The following STMND1 variants were observed in gnomAD, a reference collection of about 807,000 sequenced individuals.
STMND1 encodes stathmin domain containing 1.
STMND1 carries 17 observed loss-of-function variants against 23.0 expected under a neutral mutation model. The ratio of observed to expected loss-of-function variants is 0.74; its 90% CI spans 0.51 to 1.11. STMND1 has a LOEUF of 1.11. STMND1 is among the 50% of genes least tolerant of loss of function. The probability of loss-of-function intolerance (pLI) is 0.00; values close to 1 mark genes in which losing one functional copy is unlikely to be tolerated. For missense variants in STMND1, 305 were observed against 329.1 expected, an observed-to-expected ratio of 0.93 and a Z score of 0.57; for synonymous variants, 114 against 119.9, an observed-to-expected ratio of 0.95 and a Z score of 0.32.
At chr6:17,124,731 C>G (rs772003188) in intron 3 of STMND1, among the ~76,000 whole-genome samples, 32 of 151,954 alleles carry the variant, frequency 2.1e-4, no homozygotes, top group Non-Finnish European at 4.1e-4. Context: ...GGCAAGATGG[C>G]TTATGCCTGT....
At chr6:17,106,980 C>T (rs1761033545) in intron 1 of STMND1, among the ~76,000 whole-genome samples, 1 of 152,110 alleles carries the variant, frequency 6.6e-6, no homozygotes, top group Non-Finnish European at 1.5e-5. Context: ...AGAGGAGAGG[C>T]TGGATTGGAA....
intron 4 of STMND1, among the ~76,000 whole-genome samples, chr6:17,130,238 G>A (rs1036791182): frequency 1.3e-5 from 2 of 152,296 alleles, no homozygotes; most frequent in African/African-American, 2.4e-5. Context: ...GAGGTGCGGC[G>A]TTAAACTGAG....
chr6:17,122,358 C>A (rs1761245998), intron 3 of STMND1, among the ~76,000 whole-genome samples: 1 of 150,962 alleles, frequency 6.6e-6, no homozygotes, highest in Non-Finnish European at 1.5e-5. Context: ...GAAAAGAAGC[C>A]AGAGAATAAA....
intron 1 of STMND1, among the ~76,000 whole-genome samples, chr6:17,107,181 C>T (rs916423048): frequency 1.3e-5 from 2 of 152,176 alleles, no homozygotes; most frequent in African/African-American, 4.8e-5. Flanking sequence ...GGTTTTAACT[C>T]AAGGATGCCT....
At chr6:17,120,005 T>C (rs1274671925) in intron 2 of STMND1, among the ~76,000 whole-genome samples, 4 of 152,228 alleles carry the variant, frequency 2.6e-5, no homozygotes, top group Non-Finnish European at 5.9e-5. Flanking sequence ...CCATAAACTG[T>C]TTCAGTGCTC....
chr6:17,112,760 G>A (rs1408075680), intron 1 of STMND1, among the ~76,000 whole-genome samples: 4 of 152,076 alleles, frequency 2.6e-5, no homozygotes, highest in Non-Finnish European at 5.9e-5. Flanking sequence ...CTGGGCGACA[G>A]AGGGAGACTC....
intron 2 of STMND1, among the ~76,000 whole-genome samples, chr6:17,119,390 T>A (rs1761200113): frequency 6.6e-6 from 1 of 152,010 alleles, no homozygotes. Context: ...TCATGAAAGG[T>A]CTCACTGCTA....
At position 17,130,862 on chromosome 6, in the gene STMND1, C is replaced by A; in HGVS notation, c.812C>A (p.Ala271Glu). The A allele has an allele frequency of 2.6e-6, 4 of 1,528,156 alleles. No homozygotes were observed. Among genetic ancestry groups the A allele is most frequent in the Non-Finnish European group, 2.6e-6 (3 of 1,142,054 alleles). 94.7% of individuals were successfully genotyped at this position (1,528,156 alleles called of 1,614,324 possible). A position where few individuals can be genotyped will look rare whatever the true frequency, so the allele number is the denominator to read the frequency against. ...VVESDMSYNQ[A>E]DDIVY ...GAGTCAGACATGTCCTACAACCAAG[C>A]AGATGACATAGTCTACTAAGCCATT... The change falls in exon 5 of 5, where the codon GCA (alanine) becomes GAA (glutamate). Residue 271 changes from alanine to glutamate, a missense_variant. By Grantham distance (107) the Ala-to-Glu change is moderately radical (BLOSUM62 -1). Transcript: ENST00000536551.
chr6:17,125,768 C>T (rs1018746181), intron 3 of STMND1, among the ~76,000 whole-genome samples: 2 of 151,880 alleles, frequency 1.3e-5, no homozygotes, highest in East Asian at 3.9e-4. Flanking sequence ...TTTAAGGAAA[C>T]AAAATGAAGA....
At chr6:17,114,837 CT>C (rs1481168352) in intron 1 of STMND1, 124 bp from the exon 2 acceptor site, 3 of 1,046,434 alleles carry the variant, frequency 2.9e-6, no homozygotes, top group Non-Finnish European at 3.9e-6. Flanking sequence ...CGATCTATGG[CT>C]TTCTGGTTAC....
chr6:17,115,372 TAA>T (rs75171969), intron 2 of STMND1, among the ~76,000 whole-genome samples: 44 of 116,080 alleles, frequency 3.8e-4, no homozygotes, highest in African/African-American at 6.2e-4. Context: ...GGACCATCTT[TAA>T]AAAAAAAAAA....
chr6:17,119,829 G>A (rs1761206416), intron 2 of STMND1, among the ~76,000 whole-genome samples: 1 of 152,190 alleles, frequency 6.6e-6, no homozygotes, highest in Admixed American at 6.5e-5. Flanking sequence ...ACTTCCCATT[G>A]CGCTGTTACT....
chr6:17,117,307 G>T (rs984693311), intron 2 of STMND1, among the ~76,000 whole-genome samples: 1 of 152,244 alleles, frequency 6.6e-6, no homozygotes, highest in East Asian at 1.9e-4. Flanking sequence ...GACTTCAGGT[G>T]CTCCTCCCGC....
At chr6:17,120,155 G>A (rs564466184) in intron 2 of STMND1, among the ~76,000 whole-genome samples, 24 of 152,324 alleles carry the variant, frequency 1.6e-4, no homozygotes, top group African/African-American at 5.8e-4. Context: ...TAGGGTTGCA[G>A]AACTAGAAGT....
chr6:17,110,782 T>C (rs558557429), intron 1 of STMND1: 28 of 455,394 alleles, frequency 6.1e-5, no homozygotes, highest in East Asian at 1.4e-4. Context: ...AAATAAAAAA[T>C]AGACATTAAA....
intron 1 of STMND1, among the ~76,000 whole-genome samples, chr6:17,108,499 T>C (rs1317031733): frequency 6.6e-6 from 1 of 152,094 alleles, no homozygotes; most frequent in Admixed American, 6.6e-5. Context: ...TTCTCTAGGA[T>C]CAAAAAATGA....
At chr6:17,128,247 T>C (rs1362340111) in intron 3 of STMND1, 1 of 152,168 alleles carries the variant, frequency 6.6e-6, no homozygotes, top group Non-Finnish European at 1.5e-5. Flanking sequence ...GTTGAAAGGG[T>C]AGTTGATCAT....
At chr6:17,119,395 C>T (rs1370457802) in intron 2 of STMND1, among the ~76,000 whole-genome samples, 1 of 152,100 alleles carries the variant, frequency 6.6e-6, no homozygotes, top group African/African-American at 2.4e-5. Flanking sequence ...AAAGGTCTCA[C>T]TGCTAACCAT....
chr6:17,116,447 C>T (rs1761160764), intron 2 of STMND1, among the ~76,000 whole-genome samples: 1 of 149,190 alleles, frequency 6.7e-6, no homozygotes, highest in African/African-American at 2.5e-5. Context: ...GAGTATACCT[C>T]TTTTTTTTTT....
Sources: gnomAD v4.1 joint callset for allele counts (sites outside exome capture counted in the v4.1 genomes callset) on GRCh38, gnomAD v4.1.1 for gene constraint, MANE v1.5 for transcripts, NCBI Gene and HGNC (gene_info 2026-07-23, HGNC 2026-07-21) for gene names.